CCDC57: variants seen among roughly 807,000 people sequenced by gnomAD.
CCDC57 encodes the protein coiled-coil domain-containing protein 57.
CCDC57 carries 118 observed loss-of-function variants against 118.9 expected under a neutral mutation model. The ratio of observed to expected loss-of-function variants is 0.99; its 90% CI spans 0.86 to 1.16. The LOEUF is 1.16. CCDC57 is among the 50% of genes most tolerant of loss of function. CCDC57 has a pLI of 0.00. For synonymous variants in CCDC57, 527 were observed against 532.9 expected, an observed-to-expected ratio of 0.99 and a Z score of 0.15; for missense variants, 1,300 against 1,320.7, an observed-to-expected ratio of 0.98 and a Z score of 0.24.
chr17:82,163,300 C>T, exon 14 of CCDC57: 1 of 1,614,050 alleles, frequency 6.2e-7, no homozygotes, highest in Non-Finnish European at 8.5e-7. Flanking sequence ...TTGGACAGAT[C>T]CTCCTGCTTG....
chr17:82,164,103 C>T (rs1017039352), intron 13 of CCDC57, among the ~76,000 whole-genome samples: 4 of 152,050 alleles, frequency 2.6e-5, no homozygotes, highest in African/African-American at 7.2e-5. Flanking sequence ...GGGCCAGGCA[C>T]GGTGGCTCAC....
chr17:82,107,624 G>A (rs1321172566), intron 19 of CCDC57: 4 of 469,888 alleles, frequency 8.5e-6, no homozygotes, highest in South Asian at 6.2e-5. Flanking sequence ...ATGGGGCCCT[G>A]TTGTGACAGG....
In CCDC57 at chr17:82,109,865, AAAAAATG is replaced by A. The variant is rs1322554675; in HGVS notation, c.2900-8006_2900-8000del. 8.5e-5 allele frequency among the ~76,000 whole-genome samples: 13 copies of A among 152,202 alleles called. No homozygotes were observed. The South Asian group carries it at 1.7e-3, about 19-fold the overall frequency. The stretch of plus-strand genomic sequence containing the variant: ...GAGTGAGACTCTGTCTCAAAAAAAT[AAAAAATG>A]AAAAAAACAAAAGATCCAACAATAA... On this transcript the variant is annotated intron_variant, in intron 19 of 19. Transcript: ENST00000665763.
intron 3 of CCDC57, among the ~76,000 whole-genome samples, chr17:82,198,700 G>T (rs1447174145): frequency 6.6e-6 from 1 of 151,814 alleles, no homozygotes; most frequent in South Asian, 2.1e-4. Flanking sequence ...CCAAAAACCG[G>T]AAAGATCTGA....
intron 13 of CCDC57, among the ~76,000 whole-genome samples, chr17:82,167,619 G>T (rs1403449906): frequency 2.0e-5 from 3 of 152,032 alleles, no homozygotes; most frequent in African/African-American, 7.3e-5. Flanking sequence ...CCAAAGTGCT[G>T]GGATTGCAGG....
chr17:82,154,302 C>CA (rs1213736489), intron 15 of CCDC57: 1 of 152,384 alleles, frequency 6.6e-6, no homozygotes, highest in Non-Finnish European at 1.5e-5. Context: ...CACCTGGTCC[C>CA]AGCTTTGCAG....
intron 8 of CCDC57, among the ~76,000 whole-genome samples, chr17:82,186,727 G>A (rs2046969679): frequency 6.6e-6 from 1 of 151,894 alleles, no homozygotes. Flanking sequence ...GGATCACTTG[G>A]GTCCAGGAGT....
chr17:82,134,503 G>C (rs907641205), intron 16 of CCDC57, among the ~76,000 whole-genome samples: 12 of 152,244 alleles, frequency 7.9e-5, no homozygotes, highest in Non-Finnish European at 1.3e-4. Context: ...CAAAGAAGAA[G>C]CAAAAACTTG....
intron 16 of CCDC57, chr17:82,145,784 G>A (rs2145673425): frequency 2.1e-6 from 1 of 465,696 alleles, no homozygotes; most frequent in East Asian, 7.4e-5. Flanking sequence ...TCCCCGCCCT[G>A]GTCTCGGCCG....
exon 3 of CCDC57, chr17:82,201,930 G>A (rs767482232): frequency 1.9e-5 from 30 of 1,595,212 alleles, no homozygotes; most frequent in Admixed American, 5.1e-5. Flanking sequence ...CGGGCTCTGA[G>A]CCCAGTGGCA....
intron 2 of CCDC57, among the ~76,000 whole-genome samples, chr17:82,204,159 T>C (rs2049317782): frequency 1.3e-5 from 2 of 152,076 alleles, no homozygotes; most frequent in South Asian, 4.1e-4. Context: ...ACATGCTTCC[T>C]GCGATGCAAC....
intron 13 of CCDC57, among the ~76,000 whole-genome samples, chr17:82,169,732 G>A (rs1033435159): frequency 3.3e-5 from 5 of 152,200 alleles, no homozygotes; most frequent in Non-Finnish European, 5.9e-5. Flanking sequence ...GATAATGGGC[G>A]AGCCAGGTTT....
intron 13 of CCDC57, among the ~76,000 whole-genome samples, chr17:82,170,333 C>A (rs1450412806): frequency 1.3e-5 from 2 of 152,024 alleles, no homozygotes; most frequent in East Asian, 3.9e-4. Flanking sequence ...CGTGGTGAAA[C>A]CTCATCTCTA....
chr17:82,107,485 A>C (rs2034940625), intron 19 of CCDC57: 2 of 470,504 alleles, frequency 4.3e-6, no homozygotes, highest in African/African-American at 4.0e-5. Flanking sequence ...CGAGGTTAGC[A>C]TCAGGGGCCA....
intron 19 of CCDC57, among the ~76,000 whole-genome samples, chr17:82,102,114 A>G (rs2034490911): frequency 6.6e-6 from 1 of 152,220 alleles, no homozygotes; most frequent in Non-Finnish European, 1.5e-5. Context: ...TCCACTGGGC[A>G]CCTGGACATG....
intron 19 of CCDC57, among the ~76,000 whole-genome samples, chr17:82,117,822 G>A (rs2036124326): frequency 6.6e-6 from 1 of 152,150 alleles, no homozygotes. Context: ...CCTGCAACCA[G>A]GAGCAGGGGG....
chr17:82,185,402 G>A (rs2046807859), intron 8 of CCDC57, among the ~76,000 whole-genome samples: 1 of 149,866 alleles, frequency 6.7e-6, no homozygotes, highest in Admixed American at 6.6e-5. Context: ...CAGACTGCTT[G>A]AGGTCCCAGA....
At chr17:82,163,107 C>T (rs1376610128) in intron 14 of CCDC57, 93 bp downstream of exon 13, 1 of 1,504,428 alleles carries the variant, frequency 6.6e-7, no homozygotes, top group Non-Finnish European at 9.1e-7. Flanking sequence ...CCGAGGTCAC[C>T]TGGGGTCGCA....
At chr17:82,171,024 CATTCACACCAAAACA>C in intron 13 of CCDC57, among the ~76,000 whole-genome samples, 1 of 152,158 alleles carries the variant, frequency 6.6e-6, no homozygotes, top group African/African-American at 2.4e-5. Context: ...CACAGAATTC[CATTCACACCAAAACA>C]GGGAGCGCTG....
Sources: allele counts gnomAD v4.1 joint callset (sites outside exome capture counted in the v4.1 genomes callset), GRCh38; gene constraint gnomAD v4.1.1; transcripts MANE v1.5; gene names NCBI Gene and HGNC (gene_info 2026-07-23, HGNC 2026-07-21).